The following ATG10 variants were observed in gnomAD, a reference collection of about 807,000 sequenced individuals.
ATG10 encodes the protein ubiquitin-like-conjugating enzyme ATG10.
ATG10 carries 30 observed loss-of-function variants against 32.1 expected under a neutral mutation model. The observed-to-expected ratio is 0.94, with a 90% CI of 0.70 to 1.27. The LOEUF is 1.27. ATG10 is among the 50% of genes most tolerant of loss of function. The pLI, the probability that ATG10 is intolerant of heterozygous loss-of-function variation, is 0.00. For missense variants in ATG10, 233 were observed against 262.3 expected (o/e 0.89, Z 0.77); for synonymous variants, 87 against 91.5 (o/e 0.95, Z 0.28).
chr5:81,972,105 C>T lies in ATG10; in HGVS notation c.-214C>T, dbSNP rs1371930867. 1 of 152,312 alleles carries T rather than the reference C, an allele frequency of 6.6e-6. No homozygotes were observed. The highest frequency in any genetic ancestry group is 1.5e-5 in the Non-Finnish European group (1 of 68,082). 9.4% of individuals were successfully genotyped at this position (152,312 alleles called of 1,614,324 possible). ...TGACTGAAGGAGGCCACGGCCACTT[C>T]TGGTTGGCCTCGGGGCGCGCTGGCT... On this transcript the variant is annotated 5_prime_UTR_variant, in exon 1 of 8. Coordinates refer to ENST00000282185, the MANE Select transcript of ATG10 (RefSeq NM_031482.5).
At chr5:82,132,428 C>A (rs1766578816) in intron 3 of ATG10, among the ~76,000 whole-genome samples, 1 of 149,238 alleles carries the variant, frequency 6.7e-6, no homozygotes, top group African/African-American at 2.5e-5. Context: ...TTACAGGCCC[C>A]CGTGTGTGAT....
At chr5:82,007,833 A>G (rs1375387499) in intron 2 of ATG10, among the ~76,000 whole-genome samples, 2 of 152,262 alleles carry the variant, frequency 1.3e-5, no homozygotes, top group East Asian at 3.9e-4. Flanking sequence ...ATGCACACAC[A>G]TATATATATT....
At chr5:82,133,581 T>C (rs896863131) in intron 3 of ATG10, among the ~76,000 whole-genome samples, 6 of 152,092 alleles carry the variant, frequency 3.9e-5, no homozygotes, top group East Asian at 1.9e-4. Context: ...CATTGGTCTA[T>C]ATATCTGTTT....
At position 82,016,845 on chromosome 5, in the gene ATG10, C is replaced by T. The variant is rs576642075; in HGVS notation, c.108+29167C>T. ...CTGGGACTGTAGGCGCCTGCCACCA[C>T]GCCTGGCTAATTTTTTGTATTTTTT... is the stretch of plus-strand genomic sequence containing the variant. On this transcript the variant is annotated intron_variant, in intron 2 of 7. Transcript: ENST00000282185. 2.2e-4 allele frequency among the ~76,000 whole-genome samples: 33 copies of T among 152,080 alleles called. No homozygotes were observed. The South Asian group carries it at 3.9e-3, about 18-fold the overall frequency.
At chr5:82,104,435 T>C (rs1238484459) in intron 3 of ATG10, among the ~76,000 whole-genome samples, 1 of 151,510 alleles carries the variant, frequency 6.6e-6, no homozygotes, top group Non-Finnish European at 1.5e-5. Flanking sequence ...CTAAAATACT[T>C]TTTTTTTTCA....
At chr5:82,114,566 T>G (rs1765726797) in intron 3 of ATG10, among the ~76,000 whole-genome samples, 1 of 152,074 alleles carries the variant, frequency 6.6e-6, no homozygotes, top group African/African-American at 2.4e-5. Context: ...TAAATAAAAT[T>G]ATTTCAAGAT....
intron 3 of ATG10, among the ~76,000 whole-genome samples, chr5:82,150,049 A>ATTAG (rs144177352): frequency 6.6e-6 from 1 of 151,684 alleles, no homozygotes; most frequent in Non-Finnish European, 1.5e-5. Flanking sequence ...AACTGAAATA[A>ATTAG]TTATGTTGTA....
intron 5 of ATG10, among the ~76,000 whole-genome samples, chr5:82,214,940 C>A (rs1372526572): frequency 3.9e-5 from 6 of 152,198 alleles, no homozygotes; most frequent in African/African-American, 1.4e-4. Context: ...TAAGAGGCTC[C>A]TGTTAAATAT....
intron 3 of ATG10, among the ~76,000 whole-genome samples, chr5:82,154,029 G>T (rs1403199484): frequency 2.0e-5 from 3 of 151,434 alleles, no homozygotes; most frequent in Non-Finnish European, 2.9e-5. Flanking sequence ...CTCCCAAAGC[G>T]CTGGGATTGC....
intron 3 of ATG10, among the ~76,000 whole-genome samples, chr5:82,063,926 A>G (rs576100100): frequency 9.2e-5 from 14 of 151,686 alleles, no homozygotes; most frequent in Admixed American, 4.0e-4. Context: ...ACAGACTCCC[A>G]TGACACAAAT....
chr5:82,167,672 A>G (rs1435726953), intron 4 of ATG10, among the ~76,000 whole-genome samples: 1 of 152,204 alleles, frequency 6.6e-6, no homozygotes, highest in Admixed American at 6.5e-5. Flanking sequence ...AGGACTCAAA[A>G]GTGGGTATCC....
chr5:82,032,364 A>G (rs1264703526), intron 2 of ATG10, among the ~76,000 whole-genome samples: 13 of 152,066 alleles, frequency 8.5e-5, no homozygotes, highest in African/African-American at 2.9e-4. Flanking sequence ...TTGCTAGAAA[A>G]TGTTATATTG....
chr5:82,106,927 A>G (rs1288381124), intron 3 of ATG10, among the ~76,000 whole-genome samples: 3 of 152,002 alleles, frequency 2.0e-5, no homozygotes, highest in Non-Finnish European at 4.4e-5. Context: ...ATGTGATAGC[A>G]TGCAGTATAG....
At chr5:82,211,886 C>G (rs1745506578) in intron 5 of ATG10, among the ~76,000 whole-genome samples, 2 of 151,972 alleles carry the variant, frequency 1.3e-5, no homozygotes, top group South Asian at 4.2e-4. Flanking sequence ...ATGGCCCAGG[C>G]CAATAATCAT....
At chr5:82,007,063 A>G (rs1486038413) in intron 2 of ATG10, among the ~76,000 whole-genome samples, 3 of 152,124 alleles carry the variant, frequency 2.0e-5, no homozygotes, top group Non-Finnish European at 4.4e-5. Flanking sequence ...CATGTTGGCC[A>G]AGGTGGTCTT....
intron 3 of ATG10, among the ~76,000 whole-genome samples, chr5:82,143,760 A>G (rs1421228265): frequency 6.6e-6 from 1 of 152,206 alleles, no homozygotes; most frequent in East Asian, 1.9e-4. Flanking sequence ...GGTTCTTAAC[A>G]TATTTTGGTG....
At chr5:82,181,549 G>C (rs1744231452) in intron 5 of ATG10, among the ~76,000 whole-genome samples, 2 of 152,094 alleles carry the variant, frequency 1.3e-5, no homozygotes, top group African/African-American at 4.8e-5. Flanking sequence ...TGAGATGGAG[G>C]GGGAGAAGAT....
chr5:82,136,993 G>C (rs1243059672), intron 3 of ATG10, among the ~76,000 whole-genome samples: 1 of 151,894 alleles, frequency 6.6e-6, no homozygotes, highest in Non-Finnish European at 1.5e-5. Flanking sequence ...TCTTCCGCTT[G>C]ATTGATTCAG....
intron 3 of ATG10, among the ~76,000 whole-genome samples, chr5:82,084,870 C>T (rs965773223): frequency 1.3e-5 from 2 of 152,064 alleles, no homozygotes; most frequent in African/African-American, 4.8e-5. Context: ...CCAGCCACTG[C>T]CAAAACATGC....
Sources: allele counts gnomAD v4.1 joint callset (sites outside exome capture counted in the v4.1 genomes callset), GRCh38; gene constraint gnomAD v4.1.1; transcripts MANE v1.5; gene names NCBI Gene and HGNC (gene_info 2026-07-23, HGNC 2026-07-21).